FSTL4: variants seen among roughly 807,000 people sequenced by gnomAD.
The protein encoded by FSTL4 is follistatin like 4, also known as follistatin-related protein 4.
A neutral mutation model predicts 78.2 loss-of-function variants in FSTL4; 28 were observed. The ratio of observed to expected loss-of-function variants is 0.36; its 90% CI spans 0.27 to 0.49. The LOEUF is 0.49. FSTL4 is among the 20% of genes least tolerant of loss of function. FSTL4 has a pLI of 0.98. For missense variants in FSTL4, 922 were observed against 1,084.9 expected, an observed-to-expected ratio of 0.85 and a Z score of 2.11; for synonymous variants, 422 against 440.5, an observed-to-expected ratio of 0.96 and a Z score of 0.53.
At chr5:133,553,894 G>T (rs1189368610) in intron 3 of FSTL4, among the ~76,000 whole-genome samples, 1 of 152,194 alleles carries the variant, frequency 6.6e-6, no homozygotes, top group Non-Finnish European at 1.5e-5. Context: ...GGACTCAGGG[G>T]TGGGAGGCAA....
intron 3 of FSTL4, among the ~76,000 whole-genome samples, chr5:133,465,739 G>A (rs750110962): frequency 3.9e-5 from 6 of 152,252 alleles, no homozygotes; most frequent in Non-Finnish European, 7.3e-5. Context: ...GGGTGACAGC[G>A]ACTGTGTGAG....
chr5:133,635,360 G>GC, the FSTL4 span, among the ~76,000 whole-genome samples: 1 of 152,234 alleles, frequency 6.6e-6, no homozygotes, highest in Non-Finnish European at 1.5e-5. Flanking sequence ...AGGTCTTGAT[G>GC]TGAAGTAATC....
intron 4 of FSTL4, among the ~76,000 whole-genome samples, chr5:133,319,514 C>T (rs868723413): frequency 3.1e-4 from 47 of 152,116 alleles, no homozygotes; most frequent in African/African-American, 1.1e-3. Context: ...AGCAGGACTG[C>T]GCGTGCAGGA....
At chr5:133,341,258 T>TAA (rs577825241) in intron 4 of FSTL4, among the ~76,000 whole-genome samples, 5 of 101,506 alleles carry the variant, frequency 4.9e-5, no homozygotes, top group East Asian at 2.6e-4. Context: ...TAGGGGAAAG[T>TAA]AAAAAAAAAA....
At chr5:133,266,461 C>T (rs954756838) in intron 6 of FSTL4, 1 of 152,292 alleles carries the variant, frequency 6.6e-6, no homozygotes, top group South Asian at 2.1e-4. Context: ...CGGCTGAGGC[C>T]GAGGCCCTGC....
the FSTL4 span, among the ~76,000 whole-genome samples, chr5:133,665,158 T>C: frequency 6.6e-6 from 1 of 152,206 alleles, no homozygotes; most frequent in Non-Finnish European, 1.5e-5. Flanking sequence ...CCCAAAAGTA[T>C]GAGTGGGACT....
the FSTL4 span, among the ~76,000 whole-genome samples, chr5:133,638,088 G>A: frequency 5.9e-5 from 9 of 152,002 alleles, no homozygotes; most frequent in South Asian, 2.1e-4. Context: ...CAGTTAATCA[G>A]TCTGAAAGCC....
chr5:133,828,378 G>A, the FSTL4 span, among the ~76,000 whole-genome samples: 4 of 152,142 alleles, frequency 2.6e-5, no homozygotes, highest in African/African-American at 4.8e-5. Context: ...TCAGTGACAG[G>A]ATTTTTCACT....
chr5:133,831,249 CT>C, the FSTL4 span, among the ~76,000 whole-genome samples: 2 of 152,194 alleles, frequency 1.3e-5, no homozygotes, highest in South Asian at 4.1e-4. Flanking sequence ...GGTCCAACCT[CT>C]CAAACAGCAA....
chr5:133,601,491 G>A (rs990176583), intron 2 of FSTL4, among the ~76,000 whole-genome samples: 11 of 152,118 alleles, frequency 7.2e-5, no homozygotes, highest in African/African-American at 2.4e-4. Flanking sequence ...AGGAGGAGGA[G>A]AGTCAGGTGT....
the FSTL4 span, among the ~76,000 whole-genome samples, chr5:133,743,393 G>A: frequency 6.6e-6 from 1 of 152,166 alleles, no homozygotes; most frequent in East Asian, 1.9e-4. Context: ...GTTCTGGTAC[G>A]GTACCTTTAA....
At chr5:133,324,479 T>G (rs1754156745) in intron 4 of FSTL4, among the ~76,000 whole-genome samples, 1 of 152,236 alleles carries the variant, frequency 6.6e-6, no homozygotes, top group Non-Finnish European at 1.5e-5. Context: ...TCAGCCTCCC[T>G]CGCCTAACAC....
chr5:133,318,783 C>T (rs886378256), intron 4 of FSTL4, among the ~76,000 whole-genome samples: 1 of 152,362 alleles, frequency 6.6e-6, no homozygotes, highest in East Asian at 1.9e-4. Flanking sequence ...ATGCCCCATC[C>T]TTGCAGATCC....
At chr5:133,610,209 C>T (rs563998057) in intron 1 of FSTL4, among the ~76,000 whole-genome samples, 13 of 152,256 alleles carry the variant, frequency 8.5e-5, no homozygotes, top group African/African-American at 3.1e-4. Context: ...CACCCACCTC[C>T]AGGGCACAGC....
intron 14 of FSTL4, among the ~76,000 whole-genome samples, chr5:133,203,864 T>C (rs190126390): frequency 1.3e-5 from 2 of 152,346 alleles, no homozygotes; most frequent in Admixed American, 1.3e-4. Flanking sequence ...CGCAGTGCCA[T>C]GGGCCATTGA....
chr5:133,791,863 G>A, the FSTL4 span, among the ~76,000 whole-genome samples: 1 of 152,192 alleles, frequency 6.6e-6, no homozygotes, highest in Non-Finnish European at 1.5e-5. Flanking sequence ...ATTCTGCTGG[G>A]CATCAGCATG....
chr5:133,256,741 C>A (rs186037101), intron 6 of FSTL4, among the ~76,000 whole-genome samples: 1 of 152,328 alleles, frequency 6.6e-6, no homozygotes, highest in Non-Finnish European at 1.5e-5. Context: ...AGACTTGCTC[C>A]AAAGCCACAC....
In FSTL4 at chr5:133,199,469, G is replaced by A. The variant is rs773220345; in HGVS notation, c.2155C>T (p.Arg719Trp). 2.4e-5 allele frequency: 39 copies of A among 1,614,182 alleles called. No homozygotes were observed. Among genetic ancestry groups the A allele is most frequent in the Non-Finnish European group, 2.8e-5 (33 of 1,180,018 alleles). Residue 719 changes from arginine (R) to tryptophan (W), a missense_variant, in exon 16 of 16, where the codon CGG becomes TGG. Transcript: ENST00000265342. The surrounding 1 kb of genome is among the most constrained non-coding windows in gnomAD (Gnocchi z 4.4). The part of the protein sequence containing the change: ...PWLHVQEITV[R>W]GEIQTLYDLQ... ...TCATACAGGGTCTGGATCTCGCCCC[G>A]CACTGTGATCTCCTGCACGTGCAGC...
chr5:133,376,018 C>A (rs533877649), intron 4 of FSTL4, among the ~76,000 whole-genome samples: 1 of 152,142 alleles, frequency 6.6e-6, no homozygotes, highest in Admixed American at 6.5e-5. Flanking sequence ...AGACTCAATG[C>A]GATACAAATC....
Sources: allele counts gnomAD v4.1 joint callset (sites outside exome capture counted in the v4.1 genomes callset), GRCh38; gene constraint gnomAD v4.1.1; non-coding constraint Gnocchi (gnomAD v3.1); transcripts MANE v1.5; gene names NCBI Gene and HGNC (gene_info 2026-07-23, HGNC 2026-07-21).